PHF24: variants seen among roughly 807,000 people sequenced by gnomAD.
PHF24 encodes the protein Galpha inhibitory interacting protein.
PHF24 carries 25 observed loss-of-function variants against 42.6 expected under a neutral mutation model. The observed-to-expected ratio is 0.59, with a 90% CI of 0.43 to 0.82. The LOEUF (loss-of-function observed/expected upper bound fraction) is 0.82, where lower values mean the gene tolerates loss of function less well. Among genes scored for constraint, PHF24 ranks in the 40% least tolerant of loss-of-function variants. The pLI, the probability that PHF24 is intolerant of heterozygous loss-of-function variation, is 0.00. For missense variants in PHF24, 470 were observed against 538.1 expected, an observed-to-expected ratio of 0.87 and a Z score of 1.25; for synonymous variants, 185 against 204.8, an observed-to-expected ratio of 0.90 and a Z score of 0.83.
At chr9:34,767,486 G>A in the PHF24 span, among the ~76,000 whole-genome samples, 11 of 151,702 alleles carry the variant, frequency 7.3e-5, no homozygotes, top group East Asian at 5.8e-4. Context: ...GCGAGACTCC[G>A]TGCGCGTAGG....
the PHF24 span, among the ~76,000 whole-genome samples, chr9:34,767,561 C>T: frequency 4.6e-5 from 7 of 152,232 alleles, no homozygotes; most frequent in Non-Finnish European, 1.0e-4. Flanking sequence ...GTCGGAAAGG[C>T]GCAGTATTAG....
At chr9:34,735,966 G>A in the PHF24 span, among the ~76,000 whole-genome samples, 1 of 152,046 alleles carries the variant, frequency 6.6e-6, no homozygotes, top group African/African-American at 2.4e-5. Context: ...TTTCATCAGA[G>A]AGATGGCAAC....
chr9:34,922,810 T>C, the PHF24 span: 4 of 1,592,916 alleles, frequency 2.5e-6, no homozygotes, highest in East Asian at 4.5e-5. Context: ...CTCTCCTCAT[T>C]GGATAATTAA....
the PHF24 span, among the ~76,000 whole-genome samples, chr9:34,842,604 G>A: frequency 1.3e-5 from 2 of 152,164 alleles, no homozygotes; most frequent in African/African-American, 4.8e-5. Flanking sequence ...GGAGGATGCA[G>A]CAACCAGGTT....
the PHF24 span, chr9:34,726,874 G>A: frequency 6.4e-7 from 1 of 1,551,794 alleles, no homozygotes; most frequent in Non-Finnish European, 8.7e-7. Context: ...AGATCTGGTT[G>A]TTCTCACCCA....
the PHF24 span, chr9:34,833,473 T>C: frequency 6.5e-7 from 1 of 1,550,350 alleles, no homozygotes; most frequent in South Asian, 1.2e-5. Context: ...GGATGGGCAG[T>C]TCCTGGAGCA....
At chr9:34,677,624 T>A in the PHF24 span, among the ~76,000 whole-genome samples, 1 of 152,232 alleles carries the variant, frequency 6.6e-6, no homozygotes, top group Admixed American at 6.5e-5. Flanking sequence ...GTTCTCGATC[T>A]CCTGACCTCG....
the PHF24 span, among the ~76,000 whole-genome samples, chr9:34,818,846 C>G: frequency 6.6e-6 from 1 of 152,082 alleles, no homozygotes; most frequent in Non-Finnish European, 1.5e-5. Context: ...ATCTTGTCTT[C>G]AGTTTTATGG....
chr9:34,867,873 T>C, the PHF24 span, among the ~76,000 whole-genome samples: 1 of 152,156 alleles, frequency 6.6e-6, no homozygotes, highest in East Asian at 1.9e-4. Context: ...TAAGTGTAGA[T>C]ACTGTTGCTA....
chr9:34,850,574 G>A, the PHF24 span, among the ~76,000 whole-genome samples: 1 of 152,140 alleles, frequency 6.6e-6, no homozygotes, highest in Non-Finnish European at 1.5e-5. Flanking sequence ...AGAGTAGTTT[G>A]ATCATCTGAA....
chr9:34,722,811 G>C, the PHF24 span, among the ~76,000 whole-genome samples: 1 of 152,106 alleles, frequency 6.6e-6, no homozygotes, highest in Non-Finnish European at 1.5e-5. Context: ...CACTCTCCTA[G>C]GCCCTGGAGT....
chr9:34,970,782 T>G (rs1043838700), intron 1 of PHF24, among the ~76,000 whole-genome samples: 2 of 152,224 alleles, frequency 1.3e-5, no homozygotes, highest in Non-Finnish European at 2.9e-5. Flanking sequence ...AAATTGGTTT[T>G]AGGACAGGAA....
At chr9:34,877,905 T>C in the PHF24 span, among the ~76,000 whole-genome samples, 1 of 152,056 alleles carries the variant, frequency 6.6e-6, no homozygotes, top group Non-Finnish European at 1.5e-5. Context: ...CCGTGATGTG[T>C]GCTGTTCCCC....
chr9:34,719,703 G>T, the PHF24 span, among the ~76,000 whole-genome samples: 1 of 152,174 alleles, frequency 6.6e-6, no homozygotes, highest in Non-Finnish European at 1.5e-5. Context: ...CTAACCCCTG[G>T]CTTCCTACCT....
In PHF24 at chr9:34,970,786, A is replaced by G. The variant is rs565266258; in HGVS notation, c.-4-509A>G. Reference sequence around the variant, plus strand: ...ACCCCTGGACTAAATTGGTTTTAGGACAGGAAGGGAGACAGAGATATCATT... The same window carrying G: ...ACCCCTGGACTAAATTGGTTTTAGGGCAGGAAGGGAGACAGAGATATCATT... On this transcript the variant is annotated intron_variant, in intron 1 of 7. Transcript: ENST00000242315. Among the ~76,000 whole-genome samples, 11 of 152,334 alleles carry G rather than the reference A, an allele frequency of 7.2e-5. No individual in the cohort carries two copies. In the South Asian group the frequency reaches 2.3e-3, roughly 32 times the overall value.
chr9:34,777,177 G>A, the PHF24 span, among the ~76,000 whole-genome samples: 4 of 152,272 alleles, frequency 2.6e-5, no homozygotes, highest in South Asian at 4.1e-4. Context: ...GGGTCCAGGT[G>A]GGCTGATTCT....
At chr9:34,700,559 G>A in the PHF24 span, among the ~76,000 whole-genome samples, 1 of 152,172 alleles carries the variant, frequency 6.6e-6, no homozygotes, top group Admixed American at 6.5e-5. Context: ...TTTGTGGGGA[G>A]ATCAGGACCC....
chr9:34,818,980 A>G, the PHF24 span, among the ~76,000 whole-genome samples: 1 of 152,186 alleles, frequency 6.6e-6, no homozygotes, highest in East Asian at 1.9e-4. Flanking sequence ...CAAGTTTTGT[A>G]TTAGATGTAG....
the PHF24 span, among the ~76,000 whole-genome samples, chr9:34,815,034 A>C: frequency 6.6e-6 from 1 of 152,154 alleles, no homozygotes; most frequent in South Asian, 2.1e-4. Context: ...GCTTGGCACA[A>C]TTCTTGACAA....
Sources: allele counts gnomAD v4.1 joint callset (sites outside exome capture counted in the v4.1 genomes callset), GRCh38; gene constraint gnomAD v4.1.1; transcripts MANE v1.5; gene names NCBI Gene and HGNC (gene_info 2026-07-23, HGNC 2026-07-21).